The following TMEM243 variants were observed in gnomAD, a reference collection of about 807,000 sequenced individuals.
The protein encoded by TMEM243 is MDR1 and mitochondrial taxol resistance associated.
TMEM243 carries 20 observed loss-of-function variants against 15.0 expected under a neutral mutation model. The observed-to-expected ratio is 1.33, with a 90% CI of 0.94 to 1.93. TMEM243 has a LOEUF of 1.93. Ranked by LOEUF, TMEM243 falls within the 30% of genes most tolerant of loss-of-function variation. TMEM243 has a pLI of 0.00. For missense variants in TMEM243, 156 were observed against 142.1 expected (o/e 1.10, Z -0.50); for synonymous variants, 72 against 52.7 (o/e 1.37, Z -1.59).
chr7:87,209,548 C>T (rs953119735), intron 1 of TMEM243, among the ~76,000 whole-genome samples: 6 of 19,320 alleles, frequency 3.1e-4, no homozygotes, highest in Non-Finnish European at 5.6e-4. Flanking sequence ...AAGTGAGAGA[C>T]AATGAGAGAG....
intron 1 of TMEM243, among the ~76,000 whole-genome samples, chr7:87,209,656 CAG>C (rs1491166278): frequency 8.2e-4 from 11 of 13,444 alleles, no homozygotes; most frequent in Admixed American, 2.4e-3. Context: ...CAGTGAGAGA[CAG>C]AGCGAGAGAG....
chr7:87,199,155 C>G (rs73208528), intron 1 of TMEM243, 98 bp from the exon 2 acceptor site: 31,190 of 944,012 alleles, frequency 0.033, 625 homozygotes, highest in East Asian at 0.058. Context: ...TATAAAGAAA[C>G]CCAAGATCCA....
intron 1 of TMEM243, among the ~76,000 whole-genome samples, chr7:87,203,438 C>T (rs1290284794): frequency 6.6e-6 from 1 of 151,540 alleles, no homozygotes; most frequent in Non-Finnish European, 1.5e-5. Flanking sequence ...AATACTGAGA[C>T]CTTGTATCTA....
chr7:87,197,626 AGT>A, intron 3 of TMEM243: 1 of 886,752 alleles, frequency 1.1e-6, no homozygotes, highest in Non-Finnish European at 1.6e-6. Context: ...GCCCTTACGT[AGT>A]CCTTGAGTGA....
Position 87,199,035 on chromosome 7 carries a change from A to G in TMEM243, c.101T>C (p.Val34Ala), listed in dbSNP as rs1562876618. ...AATCAATAAGGATGTTAAGCTGCCA[A>G]CAACTAAATTGATGATTCGATCCTG... ...SAKDRIINLV[V>A]GSLTSLLILV... The change falls in exon 2 of 4, where the codon GTT becomes GCT. Residue 34 changes from valine (V) to alanine (A), a missense_variant. Coordinates refer to ENST00000257637, the MANE Select transcript of TMEM243 (RefSeq NM_024315.4). The G allele has an allele frequency of 4.4e-6, 7 of 1,606,360 alleles. No individual in the cohort carries two copies. Among genetic ancestry groups the G allele is most frequent in the Non-Finnish European group, 3.4e-6 (4 of 1,177,532 alleles).
intron 1 of TMEM243, among the ~76,000 whole-genome samples, chr7:87,208,238 C>T: frequency 6.6e-6 from 1 of 152,194 alleles, no homozygotes; most frequent in East Asian, 1.9e-4. Flanking sequence ...GACAAGTCCA[C>T]CTATGAGTCT....
At chr7:87,202,596 G>C (rs1801895726) in intron 1 of TMEM243, among the ~76,000 whole-genome samples, 1 of 152,202 alleles carries the variant, frequency 6.6e-6, no homozygotes, top group African/African-American at 2.4e-5. Flanking sequence ...TGGGTAACTA[G>C]GTTCCAGAAG....
At chr7:87,219,205 A>G (rs1322982644) in intron 1 of TMEM243, among the ~76,000 whole-genome samples, 1 of 152,086 alleles carries the variant, frequency 6.6e-6, no homozygotes, top group Non-Finnish European at 1.5e-5. Context: ...GAACTTTCTG[A>G]ACTTTTCTCC....
chr7:87,203,029 G>A (rs1801931755), intron 1 of TMEM243: 1 of 152,344 alleles, frequency 6.6e-6, no homozygotes, highest in Non-Finnish European at 1.5e-5. Flanking sequence ...GGTAACAATG[G>A]CCCTGGGAGG....
intron 1 of TMEM243, among the ~76,000 whole-genome samples, chr7:87,208,867 C>T (rs191050677): frequency 1.3e-5 from 2 of 152,346 alleles, no homozygotes; most frequent in East Asian, 1.9e-4. Context: ...AATACTCTAA[C>T]GATTGTACAA....
chr7:87,219,992 T>C (rs1803400255), upstream of TMEM243, among the ~76,000 whole-genome samples: 1 of 152,222 alleles, frequency 6.6e-6, no homozygotes, highest in African/African-American at 2.4e-5. Context: ...AAGCACGTAT[T>C]CCTTCATGTT....
At position 87,196,726 on chromosome 7, in the gene TMEM243, C is replaced by T. The variant is rs763131561; in HGVS notation, c.267G>A (p.Pro89=). 1.4e-5 allele frequency: 22 copies of T among 1,603,062 alleles called. No homozygotes were observed. The highest frequency in any genetic ancestry group is 2.2e-5 in the East Asian group (1 of 44,604). The change falls in exon 4 of 4, where the codon CCG becomes CCA. Residue 89 remains proline, a synonymous_variant. Coordinates refer to ENST00000257637, the MANE Select transcript of TMEM243 (RefSeq NM_024315.4). ...TATAGTAAATTAGCTTTCTAAATTT[C>T]GGTTCTAAGTCTCCTTGTCGATACC... ...IYWYRQGDLE[P]KFRKLIYYII...
chr7:87,197,150 C>G (rs1335166133), intron 3 of TMEM243, among the ~76,000 whole-genome samples: 1 of 152,034 alleles, frequency 6.6e-6, no homozygotes, highest in Non-Finnish European at 1.5e-5. Flanking sequence ...TAAACTAGTT[C>G]ATTGTCTGTT....
At chr7:87,203,917 TA>T (rs1318264611) in intron 1 of TMEM243, among the ~76,000 whole-genome samples, 3 of 152,176 alleles carry the variant, frequency 2.0e-5, no homozygotes, top group Non-Finnish European at 4.4e-5. Flanking sequence ...CTGGCATGGT[TA>T]AAATGCTACT....
chr7:87,207,123 G>T (rs896562716), intron 1 of TMEM243, among the ~76,000 whole-genome samples: 1 of 152,210 alleles, frequency 6.6e-6, no homozygotes, highest in Non-Finnish European at 1.5e-5. Flanking sequence ...AAACAATGGG[G>T]ATCTCTGAGG....
intron 1 of TMEM243, 185 bp from the exon 2 acceptor site, chr7:87,199,242 G>A: frequency 2.1e-6 from 1 of 475,472 alleles, no homozygotes; most frequent in Non-Finnish European, 3.7e-6. Flanking sequence ...ATGTACTTTG[G>A]GAAAATGGCC....
At chr7:87,208,199 A>C (rs1229416994) in intron 1 of TMEM243, among the ~76,000 whole-genome samples, 1 of 152,232 alleles carries the variant, frequency 6.6e-6, no homozygotes, top group East Asian at 1.9e-4. Context: ...GCATTAACTC[A>C]AAAGTCCACA....
intron 1 of TMEM243, among the ~76,000 whole-genome samples, chr7:87,212,357 T>G (rs1467816599): frequency 6.6e-6 from 1 of 152,190 alleles, no homozygotes; most frequent in African/African-American, 2.4e-5. Flanking sequence ...ACACTGAGGT[T>G]TATCCACCCA....
At chr7:87,199,712 ATGTT>A (rs903167951) in intron 1 of TMEM243, 1 of 152,172 alleles carries the variant, frequency 6.6e-6, no homozygotes, top group African/African-American at 2.4e-5. Context: ...CCAACAAAGA[ATGTT>A]TGAAAAACTG....
Sources: allele counts gnomAD v4.1 joint callset (sites outside exome capture counted in the v4.1 genomes callset), GRCh38; gene constraint gnomAD v4.1.1; transcripts MANE v1.5; gene names NCBI Gene and HGNC (gene_info 2026-07-23, HGNC 2026-07-21).